The following CPNE8 variants were observed in gnomAD, a reference collection of about 807,000 sequenced individuals.
The protein encoded by CPNE8 is copine-8.
A neutral mutation model predicts 81.5 loss-of-function variants in CPNE8; 45 were observed. That is an observed-to-expected ratio of 0.55 (90% confidence interval 0.44 to 0.71). CPNE8 has a LOEUF of 0.71. Ranked by LOEUF, CPNE8 falls within the 30% of genes least tolerant of loss-of-function variation. CPNE8 has a pLI of 0.00. For missense variants in CPNE8, 594 were observed against 672.1 expected (o/e 0.88, Z 1.28); for synonymous variants, 252 against 226.3 (o/e 1.11, Z -1.02).
intron 4 of CPNE8, among the ~76,000 whole-genome samples, chr12:38,845,433 A>G (rs1592134180): frequency 6.6e-6 from 1 of 152,134 alleles, no homozygotes; most frequent in Non-Finnish European, 1.5e-5. Context: ...GATACTGCCA[A>G]TATGTCAGAA....
intron 3 of CPNE8, among the ~76,000 whole-genome samples, chr12:38,864,530 C>T (rs1215669282): frequency 2.0e-5 from 3 of 152,028 alleles, no homozygotes; most frequent in African/African-American, 7.2e-5. Context: ...TGGTATTACA[C>T]AATAGAATCC....
intron 14 of CPNE8, among the ~76,000 whole-genome samples, chr12:38,697,909 C>T (rs1336810852): frequency 6.6e-6 from 1 of 152,172 alleles, no homozygotes; most frequent in East Asian, 1.9e-4. Flanking sequence ...CAAGCAAATG[C>T]TGGTGCCATG....
chr12:38,872,338 A>T (rs1407281684), intron 3 of CPNE8, among the ~76,000 whole-genome samples: 2 of 152,214 alleles, frequency 1.3e-5, no homozygotes, highest in Admixed American at 1.3e-4. Context: ...TGTGGCACAA[A>T]TAGCACTAAC....
chr12:38,835,057 T>A (rs11615668), intron 5 of CPNE8, among the ~76,000 whole-genome samples: 36,259 of 151,876 alleles, frequency 0.24, 5,451 homozygotes, highest in Non-Finnish European at 0.33. Flanking sequence ...CATCTAATTT[T>A]TGTATTTTTA....
intron 6 of CPNE8, among the ~76,000 whole-genome samples, chr12:38,776,937 T>C (rs183011226): frequency 3.4e-4 from 51 of 152,096 alleles, no homozygotes; most frequent in Admixed American, 7.9e-4. Context: ...TACTTGACAA[T>C]GATAGTAAAC....
intron 13 of CPNE8, 123 bp downstream of exon 13, chr12:38,723,649 A>C: frequency 1.4e-6 from 1 of 709,862 alleles, no homozygotes; most frequent in Non-Finnish European, 2.5e-6. Flanking sequence ...CAGAAGTCTA[A>C]TAGGCTTGCC....
At chr12:38,661,565 C>G (rs932398280) in intron 19 of CPNE8, among the ~76,000 whole-genome samples, 1 of 151,908 alleles carries the variant, frequency 6.6e-6, no homozygotes, top group African/African-American at 2.4e-5. Context: ...ATGTAACAAA[C>G]CTGCACGTTG....
intron 3 of CPNE8, among the ~76,000 whole-genome samples, chr12:38,857,278 C>A (rs187750064): frequency 1.3e-5 from 2 of 152,206 alleles, no homozygotes; most frequent in South Asian, 2.1e-4. Context: ...TCTAATAATT[C>A]ATATTTTATT....
intron 6 of CPNE8, among the ~76,000 whole-genome samples, chr12:38,800,091 C>G (rs1352614755): frequency 1.5e-5 from 2 of 131,814 alleles, no homozygotes; most frequent in Non-Finnish European, 3.4e-5. Context: ...GGGGCGCCCG[C>G]CATTGCCCAG....
intron 18 of CPNE8, among the ~76,000 whole-genome samples, chr12:38,674,348 G>A (rs1395129152): frequency 6.6e-6 from 1 of 152,132 alleles, no homozygotes; most frequent in Non-Finnish European, 1.5e-5. Flanking sequence ...ACTTCCATAG[G>A]AGTCTGAGAG....
intron 13 of CPNE8, among the ~76,000 whole-genome samples, chr12:38,718,608 A>G (rs1940469943): frequency 6.6e-6 from 1 of 152,242 alleles, no homozygotes; most frequent in African/African-American, 2.4e-5. Context: ...ATAAATTCTT[A>G]GAGTATTTTA....
Position 38,852,428 on chromosome 12 carries a change from C to CAAA in CPNE8, c.187-3769_187-3767dup, listed in dbSNP as rs138401295. Among the ~76,000 whole-genome samples the CAAA allele has an allele frequency of 2.1e-3, 156 of 75,188 alleles. 5 individuals are homozygous for CAAA. The highest frequency in any genetic ancestry group is 8.8e-3 in the African/African-American group (147 of 16,726). 49.3% of individuals were successfully genotyped at this position (75,188 alleles called of 152,430 possible). A position where few individuals can be genotyped will look rare whatever the true frequency, so the allele number is the denominator to read the frequency against. On this transcript the variant is annotated intron_variant, in intron 3 of 19. Transcript: ENST00000331366. The stretch of plus-strand genomic sequence containing the variant: ...CTGGGCAACAGAGTGAGCTCTGTCT[C>CAAA]AAAAAAAAAAAAAAAAAAAAAAAAT...
intron 14 of CPNE8, among the ~76,000 whole-genome samples, chr12:38,701,466 G>C (rs1224516190): frequency 1.3e-5 from 2 of 151,760 alleles, no homozygotes; most frequent in African/African-American, 4.8e-5. Flanking sequence ...TGGATTTTAG[G>C]TATTATTTCT....
chr12:38,764,580 G>GCACT, intron 8 of CPNE8, among the ~76,000 whole-genome samples: 1 of 127,746 alleles, frequency 7.8e-6, no homozygotes, highest in Non-Finnish European at 1.6e-5. Flanking sequence ...TCCCGCCACT[G>GCACT]CACTCCAGCC....
intron 3 of CPNE8, among the ~76,000 whole-genome samples, chr12:38,867,198 T>C (rs1420631531): frequency 6.6e-6 from 1 of 152,088 alleles, no homozygotes; most frequent in African/African-American, 2.4e-5. Context: ...ATATTCTAAA[T>C]GCTGTGCACG....
chr12:38,657,449 G>A (rs1288865249), intron 19 of CPNE8, among the ~76,000 whole-genome samples: 3 of 152,142 alleles, frequency 2.0e-5, no homozygotes, highest in African/African-American at 7.2e-5. Flanking sequence ...CTGTGGGTAG[G>A]GCACAGCTGA....
chr12:38,695,368 G>T (rs116867369), intron 14 of CPNE8, among the ~76,000 whole-genome samples: 1 of 152,276 alleles, frequency 6.6e-6, no homozygotes, highest in Non-Finnish European at 1.5e-5. Context: ...GATGGCCTAA[G>T]CACACAAACC....
At chr12:38,747,174 A>C (rs950028852) in intron 10 of CPNE8, among the ~76,000 whole-genome samples, 1 of 152,246 alleles carries the variant, frequency 6.6e-6, no homozygotes, top group African/African-American at 2.4e-5. Flanking sequence ...CAGTATAATG[A>C]AACTACTAGC....
chr12:38,885,336 A>G (rs539927472), intron 1 of CPNE8, among the ~76,000 whole-genome samples: 1 of 152,318 alleles, frequency 6.6e-6, no homozygotes, highest in South Asian at 2.1e-4. Context: ...TTGGCATTTT[A>G]TAAGAGGAAG....
Sources: allele counts gnomAD v4.1 joint callset (sites outside exome capture counted in the v4.1 genomes callset), GRCh38; gene constraint gnomAD v4.1.1; transcripts MANE v1.5; gene names NCBI Gene and HGNC (gene_info 2026-07-23, HGNC 2026-07-21).